The following GSK3B variants were observed in gnomAD, a reference collection of about 807,000 sequenced individuals.
GSK3B encodes glycogen synthase kinase 3 beta, also known as glycogen synthase kinase-3 beta.
A neutral mutation model predicts 56.4 loss-of-function variants in GSK3B; 15 were observed. The observed-to-expected ratio is 0.27, with a 90% confidence interval of 0.18 to 0.41. The LOEUF is 0.41. GSK3B is among the 10% of genes least tolerant of loss of function. The pLI, the probability that GSK3B is intolerant of heterozygous loss-of-function variation, is 1.00. For missense variants in GSK3B, 300 were observed against 513.4 expected, an observed-to-expected ratio of 0.58 and a Z score of 4.02; for synonymous variants, 181 against 188.9, an observed-to-expected ratio of 0.96 and a Z score of 0.34.
chr3:120,003,579 AAAGT>A (rs1196217130), intron 1 of GSK3B, among the ~76,000 whole-genome samples: 1 of 152,232 alleles, frequency 6.6e-6, no homozygotes, highest in East Asian at 1.9e-4. Flanking sequence ...TAATAAAAGA[AAAGT>A]AATATAATAT....
At chr3:120,013,297 T>A (rs1043210502) in intron 1 of GSK3B, among the ~76,000 whole-genome samples, 3 of 152,216 alleles carry the variant, frequency 2.0e-5, no homozygotes, top group African/African-American at 7.2e-5. Context: ...ATCTCAAAGC[T>A]GAACATACTT....
chr3:120,036,894 T>C (rs181750391), intron 1 of GSK3B, among the ~76,000 whole-genome samples: 20 of 152,164 alleles, frequency 1.3e-4, no homozygotes, highest in Admixed American at 4.6e-4. Context: ...ATAAAAGTTT[T>C]AGAATCAATG....
chr3:119,850,947 ACTGTG>A (rs1216066212), intron 9 of GSK3B, among the ~76,000 whole-genome samples: 1 of 152,144 alleles, frequency 6.6e-6, no homozygotes, highest in Non-Finnish European at 1.5e-5. Flanking sequence ...TAAAAGATAG[ACTGTG>A]TTACCTAGAG....
intron 2 of GSK3B, among the ~76,000 whole-genome samples, chr3:119,996,240 T>C (rs2057616439): frequency 6.6e-6 from 1 of 152,252 alleles, no homozygotes; most frequent in East Asian, 1.9e-4. Flanking sequence ...TTCAAGTGTT[T>C]GTTATTCTTA....
intron 7 of GSK3B, among the ~76,000 whole-genome samples, chr3:119,878,559 A>G (rs1199596797): frequency 1.3e-5 from 2 of 152,234 alleles, no homozygotes; most frequent in Non-Finnish European, 2.9e-5. Flanking sequence ...GAAGTTTCTT[A>G]AAAGTTAAAC....
chr3:119,939,462 C>T (rs1312328718), intron 3 of GSK3B, among the ~76,000 whole-genome samples: 1 of 152,154 alleles, frequency 6.6e-6, no homozygotes, highest in Non-Finnish European at 1.5e-5. Flanking sequence ...TCCAACATCT[C>T]CAATGCTAAT....
At chr3:120,028,010 C>G (rs940209230) in intron 1 of GSK3B, among the ~76,000 whole-genome samples, 1 of 152,132 alleles carries the variant, frequency 6.6e-6, no homozygotes, top group Non-Finnish European at 1.5e-5. Context: ...GCAACTATTT[C>G]TTGAATAATT....
intron 1 of GSK3B, among the ~76,000 whole-genome samples, chr3:120,039,280 T>A (rs1210080896): frequency 6.6e-6 from 1 of 152,212 alleles, no homozygotes; most frequent in East Asian, 1.9e-4. Context: ...GGAAGACACA[T>A]CAGCAGTTTC....
intron 2 of GSK3B, among the ~76,000 whole-genome samples, chr3:119,961,737 T>G (rs1394644993): frequency 2.0e-5 from 3 of 149,398 alleles, no homozygotes; most frequent in Non-Finnish European, 4.5e-5. Flanking sequence ...CTCAACAAAA[T>G]AAAAGTTATA....
At chr3:120,040,374 C>T (rs933830105) in intron 1 of GSK3B, among the ~76,000 whole-genome samples, 6 of 152,142 alleles carry the variant, frequency 3.9e-5, no homozygotes, top group Non-Finnish European at 7.4e-5. Context: ...GAAATATTCC[C>T]GCGAGGGAAG....
chr3:119,967,991 G>C (rs1233759579), intron 2 of GSK3B, among the ~76,000 whole-genome samples: 2 of 152,052 alleles, frequency 1.3e-5, no homozygotes, highest in Admixed American at 1.3e-4. Flanking sequence ...GAGTAGCTGG[G>C]ATTACAGGCA....
At chr3:120,052,902 T>C (rs1213372469) in intron 1 of GSK3B, among the ~76,000 whole-genome samples, 1 of 152,224 alleles carries the variant, frequency 6.6e-6, no homozygotes, top group South Asian at 2.1e-4. Context: ...GTACTATTAT[T>C]ATCACCAACT....
chr3:119,954,310 A>AAAAGAAAAGAAACAG (rs1553739239), intron 2 of GSK3B, among the ~76,000 whole-genome samples: 6 of 149,224 alleles, frequency 4.0e-5, no homozygotes, highest in African/African-American at 1.5e-4. Flanking sequence ...AATAGAAAAG[A>AAAAGAAAAGAAACAG]AACAGAACAG....
chr3:119,993,882 T>C (rs1290808069), intron 2 of GSK3B, among the ~76,000 whole-genome samples: 1 of 152,192 alleles, frequency 6.6e-6, no homozygotes. Context: ...TGACCAAATC[T>C]GAAGCAATTT....
At chr3:120,052,719 T>C (rs1455833845) in intron 1 of GSK3B, among the ~76,000 whole-genome samples, 1 of 152,220 alleles carries the variant, frequency 6.6e-6, no homozygotes, top group Non-Finnish European at 1.5e-5. Flanking sequence ...TCAAATATAG[T>C]AACATCTTTC....
chr3:120,055,004 T>C (rs1011401774), intron 1 of GSK3B, among the ~76,000 whole-genome samples: 2 of 152,168 alleles, frequency 1.3e-5, no homozygotes, highest in Non-Finnish European at 2.9e-5. Flanking sequence ...AATCATCAAC[T>C]ACTAAAGGAA....
intron 2 of GSK3B, among the ~76,000 whole-genome samples, chr3:119,955,980 G>A (rs1040232537): frequency 6.6e-5 from 10 of 151,870 alleles, no homozygotes; most frequent in Admixed American, 1.3e-4. Context: ...CAAGATATTT[G>A]TTTTAGGAAG....
At chr3:120,071,502 G>T (rs1410608959) in intron 1 of GSK3B, among the ~76,000 whole-genome samples, 1 of 152,194 alleles carries the variant, frequency 6.6e-6, no homozygotes, top group African/African-American at 2.4e-5. Context: ...CCGCCTGTAA[G>T]ATCAGCAGCA....
chr3:119,918,338 T>C (rs1466977593), intron 4 of GSK3B, among the ~76,000 whole-genome samples: 1 of 151,636 alleles, frequency 6.6e-6, no homozygotes, highest in Non-Finnish European at 1.5e-5. Flanking sequence ...CCGGTCTTGG[T>C]GGTGCACGCC....
Sources: gnomAD v4.1 joint callset for allele counts (sites outside exome capture counted in the v4.1 genomes callset) on GRCh38, gnomAD v4.1.1 for gene constraint, MANE v1.5 for transcripts, NCBI Gene and HGNC (gene_info 2026-07-23, HGNC 2026-07-21) for gene names.